Variants in CRACD observed in about 807,000 individuals in gnomAD.
CRACD encodes the protein capping protein-inhibiting regulator of actin dynamics.
Under a neutral mutation model 106.8 loss-of-function variants are expected in CRACD, and 56 were observed. The observed-to-expected ratio is 0.52, with a 90% CI of 0.42 to 0.66. The LOEUF (loss-of-function observed/expected upper bound fraction) is 0.66, where lower values mean the gene tolerates loss of function less well. Among genes scored for constraint, CRACD ranks in the 30% least tolerant of loss-of-function variants. The probability of loss-of-function intolerance (pLI) is 0.00; values close to 1 mark genes in which losing one functional copy is unlikely to be tolerated. For missense variants in CRACD, 1,730 were observed against 1,623.2 expected (o/e 1.07, Z -1.13); for synonymous variants, 754 against 670.8 (o/e 1.12, Z -1.92).
At chr4:56,235,686 G>T (rs1333108185) in intron 2 of CRACD, among the ~76,000 whole-genome samples, 3 of 152,174 alleles carry the variant, frequency 2.0e-5, no homozygotes, top group Non-Finnish European at 4.4e-5. Flanking sequence ...AATCCTCATT[G>T]TTGACAGTAG....
intron 4 of CRACD, among the ~76,000 whole-genome samples, chr4:56,298,954 A>C (rs1358825380): frequency 6.6e-6 from 1 of 152,098 alleles, no homozygotes; most frequent in Non-Finnish European, 1.5e-5. Context: ...ACAACAACAA[A>C]AAGCTATAGG....
intron 2 of CRACD, among the ~76,000 whole-genome samples, chr4:56,209,801 A>C (rs1366151351): frequency 6.6e-6 from 1 of 152,128 alleles, no homozygotes; most frequent in Non-Finnish European, 1.5e-5. Context: ...TTACTGAAAA[A>C]CATTTTGAAA....
At chr4:56,063,028 T>C (rs189915233) in intron 1 of CRACD, among the ~76,000 whole-genome samples, 39 of 151,968 alleles carry the variant, frequency 2.6e-4, no homozygotes, top group African/African-American at 9.2e-4. Flanking sequence ...TTCCTCAGAA[T>C]GTTTAGTTAT....
chr4:56,167,313 T>C (rs1324855177), intron 1 of CRACD, among the ~76,000 whole-genome samples: 1 of 152,234 alleles, frequency 6.6e-6, no homozygotes, highest in Non-Finnish European at 1.5e-5. Flanking sequence ...AAAACAGAAA[T>C]GTGTAGGACA....
At chr4:56,124,617 T>C (rs1173681143) in intron 1 of CRACD, among the ~76,000 whole-genome samples, 1 of 152,248 alleles carries the variant, frequency 6.6e-6, no homozygotes, top group Non-Finnish European at 1.5e-5. Context: ...ATAGTTGCTT[T>C]GTTTAAATCA....
At chr4:56,188,707 CACACAGAGAGAG>C (rs1351864183) in intron 2 of CRACD, among the ~76,000 whole-genome samples, 5 of 134,848 alleles carry the variant, frequency 3.7e-5, no homozygotes, top group African/African-American at 1.5e-4. Flanking sequence ...CACACACACA[CACACAGAGAGAG>C]AGAGAGAGAG....
intron 1 of CRACD, among the ~76,000 whole-genome samples, chr4:56,096,968 G>C (rs1218181541): frequency 6.6e-6 from 1 of 152,180 alleles, no homozygotes; most frequent in Non-Finnish European, 1.5e-5. Context: ...GTTCCCATTT[G>C]CTAGTGGTTG....
At chr4:56,173,452 T>C (rs1002841109) in intron 1 of CRACD, among the ~76,000 whole-genome samples, 15 of 152,226 alleles carry the variant, frequency 9.9e-5, no homozygotes, top group African/African-American at 3.4e-4. Context: ...ACAGAACAAG[T>C]TGTAAATTGC....
In CRACD at chr4:56,315,647, C is replaced by G; in HGVS notation, c.2145C>G (p.Val715=). 1 of 1,614,190 alleles carries G rather than the reference C, an allele frequency of 6.2e-7. No individual in the cohort carries two copies. The highest frequency in any genetic ancestry group is 1.1e-5 in the South Asian group (1 of 91,066). Residue 715 remains valine (V), a synonymous_variant, in exon 8 of 11, where the codon GTC becomes GTG. Transcript: ENST00000682029. The surrounding 1 kb of genome is among the most constrained non-coding windows in gnomAD (Gnocchi z 4.1). Reference sequence around the variant, plus strand: ...GGAACCAACGGAAGACTCCGCCAGTCAATGCAAAGTTCTCTATTATGCCTG... The same window carrying G: ...GGAACCAACGGAAGACTCCGCCAGTGAATGCAAAGTTCTCTATTATGCCTG... ...SRGNQRKTPP[V]NAKFSIMPAW...
chr4:56,189,818 C>CTAT (rs1011414504), intron 2 of CRACD, among the ~76,000 whole-genome samples: 20 of 136,104 alleles, frequency 1.5e-4, no homozygotes, highest in East Asian at 1.4e-3. Context: ...ATTATTATTA[C>CTAT]TATTATTATT....
At chr4:56,171,102 G>GAA (rs1736343534) in intron 1 of CRACD, among the ~76,000 whole-genome samples, 1 of 152,110 alleles carries the variant, frequency 6.6e-6, no homozygotes, top group Non-Finnish European at 1.5e-5. Context: ...ATCGGGCATG[G>GAA]AAAATGACAG....
chr4:56,243,171 G>A (rs145665388), intron 2 of CRACD, among the ~76,000 whole-genome samples: 1 of 152,314 alleles, frequency 6.6e-6, no homozygotes, highest in African/African-American at 2.4e-5. Flanking sequence ...CTTAACAGTG[G>A]TGTGAGCAGT....
chr4:56,096,765 G>A (rs1175799435), intron 1 of CRACD, among the ~76,000 whole-genome samples: 1 of 152,176 alleles, frequency 6.6e-6, no homozygotes, highest in African/African-American at 2.4e-5. Context: ...AGAGCAGTTC[G>A]ATGGAACAGT....
intron 2 of CRACD, among the ~76,000 whole-genome samples, chr4:56,215,726 G>A (rs577665565): frequency 2.6e-4 from 39 of 152,238 alleles, no homozygotes; most frequent in African/African-American, 8.2e-4. Context: ...TTATCTTTTG[G>A]ATGCTGAGGT....
rs187487138 is a variant in CRACD at position 56,239,535 on chromosome 4, A to G, written c.-188-32786A>G. On this transcript the variant is annotated intron_variant, in intron 2 of 10. Transcript: ENST00000682029. ...GAATGTTTTTATCCAAGAATGATAC[A>G]GAGAGCCATCAAAACCTCCCTCTCC... 5.3e-3 allele frequency among the ~76,000 whole-genome samples: 807 copies of G among 152,174 alleles called. 6 individuals are homozygous for G. Among genetic ancestry groups the G allele is most frequent in the African/African-American group, 0.019 (778 of 41,518 alleles).
intron 1 of CRACD, among the ~76,000 whole-genome samples, chr4:56,112,439 G>C (rs755725102): frequency 2.6e-5 from 4 of 152,288 alleles, no homozygotes; most frequent in South Asian, 2.1e-4. Flanking sequence ...ATCATAGAAG[G>C]ATTCAAAGAT....
chr4:56,064,881 G>A (rs935086479), intron 1 of CRACD, among the ~76,000 whole-genome samples: 35 of 152,088 alleles, frequency 2.3e-4, no homozygotes, highest in Admixed American at 7.9e-4. Context: ...TGCCCTCTTA[G>A]TGATCTGTAT....
chr4:56,164,176 C>T (rs1736059476), intron 1 of CRACD, among the ~76,000 whole-genome samples: 1 of 151,588 alleles, frequency 6.6e-6, no homozygotes, highest in East Asian at 1.9e-4. Context: ...GCTCTGTCGC[C>T]CAGGCTGGAG....
At chr4:56,181,710 C>T (rs1014526348) in intron 2 of CRACD, among the ~76,000 whole-genome samples, 10 of 152,158 alleles carry the variant, frequency 6.6e-5, no homozygotes, top group African/African-American at 9.7e-5. Context: ...CAATCCTCGG[C>T]GTTCCTGGGC....
Sources: allele counts gnomAD v4.1 joint callset (sites outside exome capture counted in the v4.1 genomes callset), GRCh38; gene constraint gnomAD v4.1.1; non-coding constraint Gnocchi (gnomAD v3.1); transcripts MANE v1.5; gene names NCBI Gene and HGNC (gene_info 2026-07-23, HGNC 2026-07-21).